Variants in IL18 observed in about 807,000 individuals in gnomAD.
IL18 encodes interleukin-18.
A neutral mutation model predicts 14.2 loss-of-function variants in IL18; 8 were observed. The observed-to-expected ratio is 0.56, with a 90% CI of 0.33 to 1.01. IL18 has a LOEUF of 1.01. IL18 is among the 50% of genes least tolerant of loss of function. The pLI is 0.03. For missense variants in IL18, 166 were observed against 231.1 expected (o/e 0.72, Z 1.83); for synonymous variants, 67 against 71.0 (o/e 0.94, Z 0.28).
chr11:112,143,676 C>A lies in IL18; in HGVS notation c.502G>T (p.Asp168Tyr), dbSNP rs201898660. The stretch of plus-strand genomic sequence containing the variant: ...TTTTTCAAAATGAGTTTAAAAAGGT[C>A]TCTCTCTTTTTCACAAGCTAGAAAG... Reference protein sequence around the residue: ...GYFLACEKERDLFKLILKKED... With the variant: ...GYFLACEKERYLFKLILKKED... Residue 168 changes from aspartate (D) to tyrosine (Y), a missense_variant, in exon 6 of 6, where the codon GAC becomes TAC. Coordinates refer to ENST00000280357, the MANE Select transcript of IL18 (RefSeq NM_001562.4). 6.2e-7 allele frequency: 1 copy of A among 1,612,542 alleles called. No homozygotes were observed. The highest frequency in any genetic ancestry group is 8.5e-7 in the Non-Finnish European group (1 of 1,178,814).
chr11:112,153,705 G>A (rs879149233), intron 2 of IL18, 102 bp from the exon 3 acceptor site: 6 of 737,546 alleles, frequency 8.1e-6, no homozygotes, highest in South Asian at 4.1e-5. Context: ...CCTCTTTCTC[G>A]AACTCCTATT....
chr11:112,152,418 GTCC>G (rs1592812235), intron 3 of IL18, among the ~76,000 whole-genome samples: 1 of 151,944 alleles, frequency 6.6e-6, no homozygotes, highest in East Asian at 1.9e-4. Context: ...CCTTAATTTT[GTCC>G]TCCTCACCCC....
chr11:112,154,898 T>C (rs998417694), intron 2 of IL18, 77 bp downstream of exon 2: 27 of 876,832 alleles, frequency 3.1e-5, no homozygotes, highest in Admixed American at 6.9e-5. Flanking sequence ...AGTCACTTAA[T>C]AGTTCACCTC....
At chr11:112,148,213 A>G (rs1401915768) in intron 5 of IL18, among the ~76,000 whole-genome samples, 1 of 152,236 alleles carries the variant, frequency 6.6e-6, no homozygotes, top group Non-Finnish European at 1.5e-5. Flanking sequence ...AAGGATAATT[A>G]GCTTCATTCT....
At chr11:112,161,536 T>C (rs1424320475) in intron 1 of IL18, among the ~76,000 whole-genome samples, 1 of 152,238 alleles carries the variant, frequency 6.6e-6, no homozygotes, top group Non-Finnish European at 1.5e-5. Flanking sequence ...CGGTGGCTTA[T>C]GCCTGTAATA....
Position 112,143,661 on chromosome 11 carries a change from T to C in IL18, c.517A>G (p.Ile173Val). ...CCCAATTCATCCTCTTTTTTCAAAATGAGTTTAAAAAGGTCTCTCTCTTTT... is the reference window on the plus strand; with the variant it reads ...CCCAATTCATCCTCTTTTTTCAAAACGAGTTTAAAAAGGTCTCTCTCTTTT... The part of the protein sequence containing the change: ...CEKERDLFKL[I>V]LKKEDELGDR... The change falls in exon 6 of 6, where the codon ATT becomes GTT. Residue 173 changes from isoleucine (I) to valine (V), a missense_variant. Transcript: ENST00000280357. 6.2e-7 allele frequency: 1 copy of C among 1,613,106 alleles called. No individual in the cohort carries two copies. The highest frequency in any genetic ancestry group is 8.5e-7 in the Non-Finnish European group (1 of 1,179,292).
intron 5 of IL18, among the ~76,000 whole-genome samples, chr11:112,145,161 G>A (rs936472877): frequency 2.0e-5 from 3 of 152,154 alleles, no homozygotes; most frequent in African/African-American, 7.2e-5. Context: ...CAGAGGTCAC[G>A]GGGTTACCTC....
chr11:112,145,738 CAAAAAAAA>C (rs1211865660), intron 5 of IL18, among the ~76,000 whole-genome samples: 1 of 139,968 alleles, frequency 7.1e-6, no homozygotes, highest in South Asian at 2.2e-4. Flanking sequence ...GACTCCGTTT[CAAAAAAAA>C]AGAAAAAAAG....
At chr11:112,149,650 C>T (rs1181386406) in intron 4 of IL18, among the ~76,000 whole-genome samples, 2 of 143,368 alleles carry the variant, frequency 1.4e-5, no homozygotes, top group African/African-American at 5.2e-5. Flanking sequence ...GGTACGATCA[C>T]AGTGTACTAC....
At position 112,153,693 on chromosome 11, in the gene IL18, C is replaced by T. The variant is rs1341303507; in HGVS notation, c.80-90G>A. On this transcript the variant is annotated intron_variant, in intron 2 of 5. Coordinates refer to ENST00000280357, the MANE Select transcript of IL18 (RefSeq NM_001562.4). ...CTCATTCTAGCTTTTACTTTTGCTA[C>T]TCCTCTTTCTCGAACTCCTATTTTT... 8 of 845,772 alleles carry T rather than the reference C, an allele frequency of 9.5e-6. No individual in the cohort carries two copies. The Admixed American group carries it at 1.6e-4, about 17-fold the overall frequency. 52.4% of individuals were successfully genotyped at this position (845,772 alleles called of 1,614,324 possible). A position where few individuals can be genotyped will look rare whatever the true frequency, so the allele number is the denominator to read the frequency against.
intron 1 of IL18, among the ~76,000 whole-genome samples, chr11:112,163,490 G>C (rs1455817678): frequency 6.6e-6 from 1 of 152,076 alleles, no homozygotes; most frequent in Non-Finnish European, 1.5e-5. Flanking sequence ...GTGCAATATT[G>C]CAATAGTCTG....
At chr11:112,162,694 C>T (rs1866654586) in intron 1 of IL18, among the ~76,000 whole-genome samples, 1 of 152,074 alleles carries the variant, frequency 6.6e-6, no homozygotes, top group South Asian at 2.1e-4. Flanking sequence ...GCAGTGAACA[C>T]AAGGTAAAGT....
intron 1 of IL18, among the ~76,000 whole-genome samples, chr11:112,160,397 T>TG (rs1339796598): frequency 6.6e-6 from 1 of 151,380 alleles, no homozygotes; most frequent in African/African-American, 2.4e-5. Flanking sequence ...AAAACTTCTC[T>TG]GCTCTTTCAT....
chr11:112,159,366 A>G (rs1866590372), intron 1 of IL18, among the ~76,000 whole-genome samples: 1 of 152,140 alleles, frequency 6.6e-6, no homozygotes, highest in Non-Finnish European at 1.5e-5. Context: ...GAACAAAAGA[A>G]TGGACCTGAT....
intron 1 of IL18, among the ~76,000 whole-genome samples, chr11:112,159,954 T>G (rs1659825008): frequency 6.6e-6 from 1 of 152,152 alleles, no homozygotes; most frequent in Non-Finnish European, 1.5e-5. Context: ...GAGAGTTATA[T>G]ACATGTACAA....
intron 1 of IL18, among the ~76,000 whole-genome samples, chr11:112,156,619 A>G (rs1866537234): frequency 6.6e-6 from 1 of 151,838 alleles, no homozygotes; most frequent in East Asian, 1.9e-4. Flanking sequence ...AAGTTTTCAT[A>G]TGTTTGGTAG....
At chr11:112,159,732 T>C (rs1427184110) in intron 1 of IL18, among the ~76,000 whole-genome samples, 1 of 152,216 alleles carries the variant, frequency 6.6e-6, no homozygotes, top group African/African-American at 2.4e-5. Flanking sequence ...CTAATTTACA[T>C]ATAAGCTTAA....
intron 2 of IL18, 140 bp downstream of exon 2, chr11:112,154,835 C>A: frequency 1.7e-6 from 1 of 581,122 alleles, no homozygotes; most frequent in Non-Finnish European, 3.1e-6. Context: ...TTCTAGAGGT[C>A]CACTATTTTT....
rs36051933 is a variant in IL18 at position 112,146,927 on chromosome 11, C to CTTTTTTTTTTTTTTTTTTTTT, written c.360+1675_360+1676insAAAAAAAAAAAAAAAAAAAAA. Among the ~76,000 whole-genome samples, 3 of 125,362 alleles carry CTTTTTTTTTTTTTTTTTTTTT rather than the reference C, an allele frequency of 2.4e-5. 1 individual carries two copies. 82.2% of individuals were successfully genotyped at this position (125,362 alleles called of 152,430 possible). ...TAAGCTTATGCCTTTGGTAATTTTA[C>CTTTTTTTTTTTTTTTTTTTTT]TTTTTTTTTTTTTTTTTTTTGAGAC... is the stretch of plus-strand genomic sequence containing the variant. On this transcript the variant is annotated intron_variant, in intron 5 of 5. Coordinates refer to ENST00000280357, the MANE Select transcript of IL18 (RefSeq NM_001562.4).
Sources: allele counts gnomAD v4.1 joint callset (sites outside exome capture counted in the v4.1 genomes callset), GRCh38; gene constraint gnomAD v4.1.1; transcripts MANE v1.5; gene names NCBI Gene and HGNC (gene_info 2026-07-23, HGNC 2026-07-21).